The following XKR4 variants were observed in gnomAD, a reference collection of about 807,000 sequenced individuals.
XKR4 encodes XK-related protein 4.
A neutral mutation model predicts 53.9 loss-of-function variants in XKR4; 12 were observed. The observed-to-expected ratio is 0.22, with a 90% confidence interval of 0.14 to 0.36. XKR4 has a LOEUF of 0.36. Among genes scored for constraint, XKR4 ranks in the 10% least tolerant of loss-of-function variants. XKR4 has a pLI of 1.00. For missense variants in XKR4, 799 were observed against 859.5 expected (o/e 0.93, Z 0.88); for synonymous variants, 354 against 362.4 (o/e 0.98, Z 0.26).
chr8:55,496,326 T>C (rs748808379), intron 2 of XKR4, among the ~76,000 whole-genome samples: 1 of 152,174 alleles, frequency 6.6e-6, no homozygotes, highest in Non-Finnish European at 1.5e-5. Flanking sequence ...GGTCTGATAA[T>C]GCAAATATCT....
chr8:55,428,601 C>G (rs190465976), intron 2 of XKR4, among the ~76,000 whole-genome samples: 1 of 152,324 alleles, frequency 6.6e-6, no homozygotes, highest in Non-Finnish European at 1.5e-5. Flanking sequence ...CCCTGCTAGG[C>G]AGCGAGTCTG....
At position 55,156,163 on chromosome 8, in the gene XKR4, C is replaced by T. The variant is rs541192824; in HGVS notation, c.806+52869C>T. On this transcript the variant is annotated intron_variant, in intron 1 of 2. Coordinates refer to ENST00000327381, the MANE Select transcript of XKR4 (RefSeq NM_052898.2). ...TGTGACTGTGGGAGAGGAGCTTCCG[C>T]AGGGAAAACAAGGCTTAGACTGTTT... Among the ~76,000 whole-genome samples, 38 of 151,166 alleles carry T rather than the reference C, an allele frequency of 2.5e-4. 1 individual carries two copies. In the South Asian group the frequency reaches 8.0e-3, roughly 32 times the overall value.
chr8:55,256,051 T>C (rs1233783572), intron 1 of XKR4, among the ~76,000 whole-genome samples: 1 of 151,584 alleles, frequency 6.6e-6, no homozygotes, highest in South Asian at 2.1e-4. Context: ...CTAGGGGTTG[T>C]ATCTAGGCAG....
chr8:55,108,694 T>C (rs766359796), intron 1 of XKR4, among the ~76,000 whole-genome samples: 4 of 152,234 alleles, frequency 2.6e-5, no homozygotes, highest in Admixed American at 6.5e-5. Flanking sequence ...TTTTACCTTA[T>C]TGAAAGTTAG....
At chr8:55,389,083 A>C (rs1804397562) in intron 2 of XKR4, among the ~76,000 whole-genome samples, 1 of 152,228 alleles carries the variant, frequency 6.6e-6, no homozygotes. Flanking sequence ...ACATGCACAC[A>C]CAGGGAGAGA....
intron 1 of XKR4, among the ~76,000 whole-genome samples, chr8:55,227,166 A>G (rs1225667603): frequency 6.6e-6 from 1 of 152,128 alleles, no homozygotes; most frequent in Non-Finnish European, 1.5e-5. Flanking sequence ...TGGTTTTCTC[A>G]TCTGCGTTGT....
intron 1 of XKR4, among the ~76,000 whole-genome samples, chr8:55,121,162 A>G (rs1816385813): frequency 6.6e-6 from 1 of 152,254 alleles, no homozygotes; most frequent in Non-Finnish European, 1.5e-5. Context: ...ATTATGAGCA[A>G]GGCTGCTATA....
intron 2 of XKR4, among the ~76,000 whole-genome samples, chr8:55,457,420 G>A (rs191617011): frequency 7.6e-4 from 115 of 152,254 alleles, no homozygotes; most frequent in Non-Finnish European, 6.2e-4. Context: ...GGGATTATAG[G>A]CGTGAGCCAC....
At chr8:55,411,411 A>G (rs1314550420) in intron 2 of XKR4, among the ~76,000 whole-genome samples, 1 of 152,210 alleles carries the variant, frequency 6.6e-6, no homozygotes, top group African/African-American at 2.4e-5. Context: ...TTAAAAAATT[A>G]TCATTGTTAT....
chr8:55,328,214 G>A (rs1300308694), intron 1 of XKR4, among the ~76,000 whole-genome samples: 1 of 152,088 alleles, frequency 6.6e-6, no homozygotes, highest in Non-Finnish European at 1.5e-5. Context: ...GAGATTTTGG[G>A]TGGGGACTCA....
intron 1 of XKR4, among the ~76,000 whole-genome samples, chr8:55,236,251 T>C (rs6473978): frequency 0.76 from 116,099 of 152,058 alleles, 47,536 homozygotes; most frequent in Non-Finnish European, 0.92. Flanking sequence ...GCTGCCTTTT[T>C]TCTTCTCCTT....
chr8:55,204,273 A>G lies in XKR4; in HGVS notation c.806+100979A>G, dbSNP rs371514200. On this transcript the variant is annotated intron_variant, in intron 1 of 2. Coordinates refer to ENST00000327381, the MANE Select transcript of XKR4 (RefSeq NM_052898.2). ...CTCCCACCTCAGCCTCCTAAAATAAATCCAAAGTTATTGACCAACAAATCA... is the reference window on the plus strand; with the variant it reads ...CTCCCACCTCAGCCTCCTAAAATAAGTCCAAAGTTATTGACCAACAAATCA... Among the ~76,000 whole-genome samples, 8 of 152,298 alleles carry G rather than the reference A, an allele frequency of 5.3e-5. No homozygotes were observed. In the South Asian group the frequency reaches 1.7e-3, roughly 32 times the overall value.
At chr8:55,425,388 TG>T (rs1345550022) in intron 2 of XKR4, among the ~76,000 whole-genome samples, 1 of 140,250 alleles carries the variant, frequency 7.1e-6, no homozygotes, top group African/African-American at 2.5e-5. Flanking sequence ...CCCCGTTGTT[TG>T]TTTCATTCAA....
intron 1 of XKR4, among the ~76,000 whole-genome samples, chr8:55,220,171 TC>T (rs1488514143): frequency 8.5e-5 from 13 of 152,166 alleles, no homozygotes; most frequent in Admixed American, 2.0e-4. Flanking sequence ...TCACTTTGCA[TC>T]CCCCATAAAT....
intron 1 of XKR4, among the ~76,000 whole-genome samples, chr8:55,178,676 T>C (rs558423977): frequency 1.3e-5 from 2 of 152,286 alleles, no homozygotes; most frequent in Middle Eastern, 6.8e-3. Context: ...CGACACTAAC[T>C]AGTTGTGTGA....
chr8:55,396,439 C>A (rs1804520544), intron 2 of XKR4, among the ~76,000 whole-genome samples: 2 of 101,282 alleles, frequency 2.0e-5, no homozygotes, highest in South Asian at 7.2e-4. Flanking sequence ...AAATCAATGT[C>A]ACGGAAAACT....
rs80346954 is a variant in XKR4 at position 55,404,414 on chromosome 8, T to C, written c.1006+46537T>C. ...AACCCAAAGGCTTATTTAGGAACCA[T>C]GATCAGCAGCAACCTTGTCCAAAGC... On this transcript the variant is annotated intron_variant, in intron 2 of 2. Coordinates refer to ENST00000327381, the MANE Select transcript of XKR4 (RefSeq NM_052898.2). Among the ~76,000 whole-genome samples, 1,001 of 152,306 alleles carry C rather than the reference T, an allele frequency of 6.6e-3. 9 individuals carry two copies. Among genetic ancestry groups the C allele is most frequent in the African/African-American group, 0.023 (940 of 41,560 alleles).
intron 1 of XKR4, among the ~76,000 whole-genome samples, chr8:55,330,235 A>C (rs553902991): frequency 2.0e-4 from 30 of 152,306 alleles, no homozygotes; most frequent in African/African-American, 7.0e-4. Context: ...CATGGGCATG[A>C]TAATCAAACC....
At chr8:55,299,532 T>C (rs1186320738) in intron 1 of XKR4, among the ~76,000 whole-genome samples, 1 of 152,180 alleles carries the variant, frequency 6.6e-6, no homozygotes, top group Non-Finnish European at 1.5e-5. Flanking sequence ...AGACAATGTC[T>C]TAAAGATAAT....
Sources: allele counts gnomAD v4.1 joint callset (sites outside exome capture counted in the v4.1 genomes callset), GRCh38; gene constraint gnomAD v4.1.1; transcripts MANE v1.5; gene names NCBI Gene and HGNC (gene_info 2026-07-23, HGNC 2026-07-21).